Variants in ZNF652 observed in about 807,000 individuals in gnomAD.
ZNF652 encodes zinc finger protein 652.
ZNF652 carries 16 observed loss-of-function variants against 45.2 expected under a neutral mutation model. The observed-to-expected ratio is 0.35, with a 90% CI of 0.24 to 0.54. The LOEUF (loss-of-function observed/expected upper bound fraction) is 0.54. Ranked by LOEUF, ZNF652 falls within the 20% of genes least tolerant of loss-of-function variation. ZNF652 has a pLI of 0.91. For synonymous variants in ZNF652, 250 were observed against 260.6 expected (o/e 0.96, Z 0.39); for missense variants, 614 against 765.6 (o/e 0.80, Z 2.34).
At chr17:49,306,624 G>C (rs187061078) in intron 5 of ZNF652, among the ~76,000 whole-genome samples, 2 of 152,322 alleles carry the variant, frequency 1.3e-5, no homozygotes, top group East Asian at 1.9e-4. Flanking sequence ...GGGAGTATAT[G>C]TGGAGGGCAT....
At chr17:49,347,740 G>GGTTTTT (rs2070220659) in intron 1 of ZNF652, among the ~76,000 whole-genome samples, 5 of 81,214 alleles carry the variant, frequency 6.2e-5, no homozygotes, top group African/African-American at 1.4e-4. Flanking sequence ...CCTTGGTTTT[G>GGTTTTT]TTTTTTTTTT....
intron 1 of ZNF652, among the ~76,000 whole-genome samples, chr17:49,328,892 C>A (rs2069994438): frequency 6.6e-6 from 1 of 152,212 alleles, no homozygotes; most frequent in Admixed American, 6.5e-5. Context: ...AGTGATGGAA[C>A]AAGTGTTTGA....
intron 1 of ZNF652, among the ~76,000 whole-genome samples, chr17:49,361,396 T>TG (rs897636578): frequency 1.3e-5 from 2 of 151,854 alleles, no homozygotes; most frequent in African/African-American, 4.8e-5. Context: ...CATTACCCAC[T>TG]GGGGTGAGTG....
chr17:49,288,822 G>C (rs2069366363), downstream of ZNF652, among the ~76,000 whole-genome samples: 1 of 152,156 alleles, frequency 6.6e-6, no homozygotes, highest in African/African-American at 2.4e-5. Context: ...ACTGTACTTT[G>C]TAAGCTGTTT....
chr17:49,317,942 T>C lies in ZNF652; in HGVS notation c.-217A>G. ...TGGCAAGAGCAGAGCACTAGTGATTTTTCTTCTGAAGAGAGCTGCAAGGGA... is the reference window on the plus strand; with the variant it reads ...TGGCAAGAGCAGAGCACTAGTGATTCTTCTTCTGAAGAGAGCTGCAAGGGA... On this transcript the variant is annotated 5_prime_UTR_variant, in exon 2 of 6. Coordinates refer to ENST00000430262, the MANE Select transcript of ZNF652 (RefSeq NM_001145365.3). The C allele has an allele frequency of 4.3e-6, 2 of 462,854 alleles. No homozygotes were observed. The highest frequency in any genetic ancestry group is 3.3e-5 in the East Asian group (1 of 29,866). 28.7% of individuals were successfully genotyped at this position (462,854 alleles called of 1,614,324 possible).
At position 49,298,558 on chromosome 17, in the gene ZNF652, G is replaced by C; in HGVS notation, c.1676C>G (p.Pro559Arg). Residue 559 changes from proline to arginine, a missense_variant, in exon 6 of 6, where the codon CCA becomes CGA. By Grantham distance (103) the Pro-to-Arg change is moderately radical (BLOSUM62 -2). Around this residue, in one of 5 missense-constraint regions of ZNF652, gnomAD observed 132 missense variants for 137.2 expected, o/e 0.96. Transcript: ENST00000430262. Reference protein sequence around the residue: ...HLHIHPHPHHPHHLPIPPVPH... With the variant: ...HLHIHPHPHHRHHLPIPPVPH... ...GACTGGAGGGATGGGAAGGTGGTGT[G>C]GGTGGTGAGGGTGTGGGTGGATGTG... 6.2e-7 allele frequency: 1 copy of C among 1,611,524 alleles called. No individual in the cohort carries two copies. Among genetic ancestry groups the C allele is most frequent in the Non-Finnish European group, 8.5e-7 (1 of 1,178,984 alleles).
chr17:49,311,282 T>C, intron 5 of ZNF652, 30 bp downstream of exon 5: 1 of 1,606,050 alleles, frequency 6.2e-7, no homozygotes. Flanking sequence ...GCTTGAGACA[T>C]TATCTGTACC....
At position 49,317,673 on chromosome 17, in the gene ZNF652, T is replaced by C. The variant is rs769646061; in HGVS notation, c.53A>G (p.His18Arg). ...ATCTTCTTGTGCCATTCCTGCTACA[T>C]GCACAGCACAGTTTTCAACCAGCTC... ...CQELVENCAV[H>R]VAGMAQEDSR... is the part of the protein sequence containing the mutation. The change falls in exon 2 of 6, where the codon CAT (histidine) becomes CGT (arginine). Residue 18 changes from histidine to arginine, a missense_variant. Around this residue, in one of 5 missense-constraint regions of ZNF652, gnomAD observed 133 missense variants for 132.2 expected, o/e 1.01. Transcript: ENST00000430262. 3 of 1,609,504 alleles carry C rather than the reference T, an allele frequency of 1.9e-6. No individual in the cohort carries two copies. The highest frequency in any genetic ancestry group is 3.3e-4 in the Middle Eastern group (2 of 6,048).
intron 1 of ZNF652, among the ~76,000 whole-genome samples, chr17:49,321,530 A>G (rs985783022): frequency 4.7e-5 from 7 of 148,262 alleles, no homozygotes; most frequent in Admixed American, 1.4e-4. Flanking sequence ...TTGACCTCCC[A>G]AAGTGCTGGA....
At chr17:49,314,798 TTAAAAGA>T (rs2069775671) in intron 2 of ZNF652, among the ~76,000 whole-genome samples, 1 of 152,026 alleles carries the variant, frequency 6.6e-6, no homozygotes, top group Admixed American at 6.6e-5. Flanking sequence ...CTGAGAAGAG[TTAAAAGA>T]TAAACCTCTG....
Position 49,348,504 on chromosome 17 carries a change from G to GAAAAGAA in ZNF652, c.-259+13398_-259+13404dup, listed in dbSNP as rs1555552481. Reference sequence around the variant, plus strand: ...AAAAAGAAAAGAAAAGAAAAGAAAAGAAAAGAAAAGAAAAGAAAAGAAAAG... The same window carrying GAAAAGAA: ...AAAAAGAAAAGAAAAGAAAAGAAAAGAAAAGAAAAAAGAAAAGAAAAGAAAAGAAAAG... On this transcript the variant is annotated intron_variant, in intron 1 of 5. Transcript: ENST00000430262. Among the ~76,000 whole-genome samples, 231 of 129,126 alleles carry GAAAAGAA rather than the reference G, an allele frequency of 1.8e-3. 2 individuals are homozygous for GAAAAGAA. Among genetic ancestry groups the GAAAAGAA allele is most frequent in the African/African-American group, 5.3e-3 (193 of 36,246 alleles). 84.7% of individuals were successfully genotyped at this position (129,126 alleles called of 152,430 possible). A position where few individuals can be genotyped will look rare whatever the true frequency, so the allele number is the denominator to read the frequency against.
intron 1 of ZNF652, among the ~76,000 whole-genome samples, chr17:49,354,592 G>A (rs2070315117): frequency 6.9e-6 from 1 of 144,948 alleles, no homozygotes; most frequent in Admixed American, 7.1e-5. Flanking sequence ...GCCTGGGCAT[G>A]GAAGCAAGAC....
intron 1 of ZNF652, among the ~76,000 whole-genome samples, chr17:49,351,012 TATACAC>T (rs1486289501): frequency 4.6e-3 from 94 of 20,264 alleles, no homozygotes; most frequent in African/African-American, 9.5e-3. Context: ...TATATATATA[TATACAC>T]ACACACACAC....
At position 49,359,744 on chromosome 17, in the gene ZNF652, T is replaced by C. The variant is rs1238127732; in HGVS notation, c.-259+2165A>G. On this transcript the variant is annotated intron_variant, in intron 1 of 5. Coordinates refer to ENST00000430262, the MANE Select transcript of ZNF652 (RefSeq NM_001145365.3). ...AGTTCATCCTCAGTTCCAGATTCTA[T>C]ATATGGAGGCTGAATTCCCTAACCA... Among the ~76,000 whole-genome samples, 4 of 152,200 alleles carry C rather than the reference T, an allele frequency of 2.6e-5. No individual in the cohort carries two copies. The East Asian group carries it at 5.8e-4, about 22-fold the overall frequency.
chr17:49,339,963 AC>A (rs1325869847), intron 1 of ZNF652, among the ~76,000 whole-genome samples: 1 of 151,858 alleles, frequency 6.6e-6, no homozygotes, highest in East Asian at 1.9e-4. Flanking sequence ...TGAACTCCTG[AC>A]CTCGTGATCC....
Position 49,297,401 on chromosome 17 carries a change from A to G in ZNF652, c.*1012T>C, listed in dbSNP as rs892045623. 6.6e-6 allele frequency: 1 copy of G among 152,458 alleles called. No homozygotes were observed. The highest frequency in any genetic ancestry group is 1.5e-5 in the Non-Finnish European group (1 of 68,038). The allele number at this position is 152,458 out of a possible 1,614,324, so 9.4% of individuals were successfully genotyped here. A position where few individuals can be genotyped will look rare whatever the true frequency, so the allele number is the denominator to read the frequency against. ...AAACAGCCTTATTCAAATTTTCAAA[A>G]CATGCAAGCTTTAGGTGACTTCCCT... On this transcript the variant is annotated 3_prime_UTR_variant, in exon 6 of 6. Transcript: ENST00000430262.
Position 49,296,549 on chromosome 17 carries a change from A to T in ZNF652, c.*1864T>A, listed in dbSNP as rs2069480085. On this transcript the variant is annotated 3_prime_UTR_variant, in exon 6 of 6. Coordinates refer to ENST00000430262, the MANE Select transcript of ZNF652 (RefSeq NM_001145365.3). ...AGGCAAAGATTTTAAGAAACCGAAG[A>T]AAGAAAAATGAAGAAATTTCAAGAT... The T allele has an allele frequency of 6.6e-6, 1 of 152,486 alleles. No homozygotes were observed. The allele number at this position is 152,486 out of a possible 1,614,324, so 9.4% of individuals were successfully genotyped here.
At position 49,311,370 on chromosome 17, in the gene ZNF652, C is replaced by T. The variant is rs1443924135; in HGVS notation, c.1251G>A (p.Trp417Ter). The T allele has an allele frequency of 2.5e-6, 4 of 1,614,120 alleles. No individual in the cohort carries two copies. The highest frequency in any genetic ancestry group is 1.1e-5 in the South Asian group (1 of 91,080). ...GCTTCATGTTGAAATCCTTGCCACA[C>T]CACTGGCACATGAACTGTTTGTGCC... ...HIGHKQFMCQ[W>*]CGKDFNMKQY... Residue 417 changes from tryptophan (W) to a stop codon, truncating the protein, a stop_gained, in exon 5 of 6, where the codon TGG becomes TGA. Coordinates refer to ENST00000430262, the MANE Select transcript of ZNF652 (RefSeq NM_001145365.3). LOFTEE classifies it high-confidence loss of function.
At chr17:49,357,794 T>C (rs1018977398) in intron 1 of ZNF652, among the ~76,000 whole-genome samples, 4 of 152,156 alleles carry the variant, frequency 2.6e-5, no homozygotes, top group Non-Finnish European at 5.9e-5. Context: ...AGCCTATGGG[T>C]AGCACTGTAG....
Sources: gnomAD v4.1 joint callset for allele counts (sites outside exome capture counted in the v4.1 genomes callset) on GRCh38, gnomAD v4.1.1 for gene constraint, gnomAD v4.1.1 regional missense constraint, MANE v1.5 for transcripts, NCBI Gene and HGNC (gene_info 2026-07-23, HGNC 2026-07-21) for gene names.